Variants in ELMO2 observed in about 807,000 individuals in gnomAD.
ELMO2 encodes engulfment and cell motility protein 2.
A neutral mutation model predicts 96.2 loss-of-function variants in ELMO2; 37 were observed. The ratio of observed to expected loss-of-function variants is 0.38; its 90% confidence interval spans 0.30 to 0.51. ELMO2 has a LOEUF of 0.51. ELMO2 is among the 20% of genes least tolerant of loss of function. ELMO2 has a pLI of 0.88. For missense variants in ELMO2, 561 were observed against 912.6 expected (o/e 0.61, Z 4.96); for synonymous variants, 315 against 329.4 (o/e 0.96, Z 0.47).
Position 46,371,484 on chromosome 20 carries a change from G to A in ELMO2, c.1694-25C>T, listed in dbSNP as rs1568747862. The A allele has an allele frequency of 6.2e-7, 1 of 1,613,856 alleles. No individual in the cohort carries two copies. Among genetic ancestry groups the A allele is most frequent in the East Asian group, 2.2e-5 (1 of 44,884 alleles). ...TCTGGAACACAAGGGAAGCCAAACA[G>A]GTGAGCAACGACAGTACTGGGAAAG... On this transcript the variant is annotated intron_variant, in intron 18 of 21. Transcript: ENST00000290246. This position sits in a 1 kb window ranked among gnomAD's most constrained non-coding sequence, Gnocchi z 5.9.
chr20:46,373,618 A>C (rs2059780351), intron 15 of ELMO2, 83 bp from the exon 16 acceptor site: 4 of 1,557,528 alleles, frequency 2.6e-6, no homozygotes, highest in Non-Finnish European at 3.5e-6. Context: ...TTTGCACCAA[A>C]GTCCCGAGGA....
intron 1 of ELMO2, among the ~76,000 whole-genome samples, chr20:46,401,629 G>A (rs2060337599): frequency 1.3e-5 from 2 of 152,128 alleles, no homozygotes; most frequent in Admixed American, 6.5e-5. Flanking sequence ...CAGTTCCACC[G>A]TGGCTCTGTG....
chr20:46,404,593 T>C (rs917635555), intron 1 of ELMO2, among the ~76,000 whole-genome samples: 6 of 152,316 alleles, frequency 3.9e-5, no homozygotes, highest in Admixed American at 1.3e-4. Context: ...CAAAAGACTC[T>C]AGAGGGTATA....
At chr20:46,374,675 C>G in intron 13 of ELMO2, 35 bp from the exon 14 acceptor site, 2 of 1,599,408 alleles carry the variant, frequency 1.3e-6, no homozygotes, top group Non-Finnish European at 1.7e-6. Flanking sequence ...TGAGATGCGG[C>G]AGTCTCCGTG....
Position 46,367,332 on chromosome 20 carries a change from C to T in ELMO2, c.*28G>A. On this transcript the variant is annotated 3_prime_UTR_variant, in exon 22 of 22. Coordinates refer to ENST00000290246, the MANE Select transcript of ELMO2 (RefSeq NM_133171.5). ...TCTCCTGGGCCCAAAATCCCTTCTCCTGGGTACCGTCGTTTCTGGCTCCAG... is the reference window on the plus strand; with the variant it reads ...TCTCCTGGGCCCAAAATCCCTTCTCTTGGGTACCGTCGTTTCTGGCTCCAG... The T allele has an allele frequency of 6.9e-7, 1 of 1,451,162 alleles. No homozygotes were observed. The highest frequency in any genetic ancestry group is 9.1e-7 in the Non-Finnish European group (1 of 1,098,316). 89.9% of individuals were successfully genotyped at this position (1,451,162 alleles called of 1,614,324 possible).
At chr20:46,386,924 A>G (rs2060055300) in intron 8 of ELMO2, among the ~76,000 whole-genome samples, 2 of 152,224 alleles carry the variant, frequency 1.3e-5, no homozygotes, top group African/African-American at 4.8e-5. Flanking sequence ...TTAGTCTGAC[A>G]ATCCAAACAG....
At chr20:46,369,607 C>T (rs2059654525) in intron 20 of ELMO2, 1 of 153,512 alleles carries the variant, frequency 6.5e-6, no homozygotes, top group Admixed American at 6.5e-5. Flanking sequence ...CACTGAGCTT[C>T]AACAGTCTGC....
chr20:46,375,328 C>G lies in ELMO2; in HGVS notation c.973G>C (p.Asp325His). 6.2e-7 allele frequency: 1 copy of G among 1,614,206 alleles called. No homozygotes were observed. The highest frequency in any genetic ancestry group is 8.5e-7 in the Non-Finnish European group (1 of 1,180,036). Residue 325 changes from aspartate (D) to histidine (H), a missense_variant, in exon 13 of 22, where the codon GAC becomes CAC. Asp to His is a moderately conservative substitution (Grantham distance 81). Transcript: ENST00000290246. This position sits in a 1 kb window ranked among gnomAD's most constrained non-coding sequence, Gnocchi z 4.6. The part of the protein sequence containing the change: ...IIFELRRIAF[D>H]AESDPSNAPG... Reference sequence around the variant, plus strand: ...GCATTGCTAGGATCAGACTCTGCGTCAAATGCAATCCTCCTCAGTTCAAAT... The same window carrying G: ...GCATTGCTAGGATCAGACTCTGCGTGAAATGCAATCCTCCTCAGTTCAAAT...
chr20:46,405,961 G>C (rs1026030861), intron 1 of ELMO2, among the ~76,000 whole-genome samples: 2 of 152,148 alleles, frequency 1.3e-5, no homozygotes. Context: ...CTGTGCCTGC[G>C]CAGGGCAGAC....
intron 1 of ELMO2, among the ~76,000 whole-genome samples, chr20:46,402,068 C>T (rs1275486275): frequency 6.6e-6 from 1 of 152,184 alleles, no homozygotes; most frequent in Admixed American, 6.5e-5. Context: ...AAGTCTGGGA[C>T]ATAGGCTCTA....
At position 46,386,148 on chromosome 20, in the gene ELMO2, C is replaced by T; in HGVS notation, c.653G>A (p.Gly218Glu). The change falls in exon 9 of 22, where the codon GGA (glycine) becomes GAA (glutamate). Residue 218 changes from glycine to glutamate, a missense_variant. Coordinates refer to ENST00000290246, the MANE Select transcript of ELMO2 (RefSeq NM_133171.5). ...CACCTGGAGGTGTGAGATGAGCTGT[C>T]CCACGGTGATTTCCTCGGCTATCTT... The part of the protein sequence containing the change: ...YQKIAEEITV[G>E]QLISHLQVSN... The T allele has an allele frequency of 1.2e-6, 2 of 1,614,032 alleles. No homozygotes were observed. The highest frequency in any genetic ancestry group is 1.7e-6 in the Non-Finnish European group (2 of 1,179,966).
At position 46,386,264 on chromosome 20, in the gene ELMO2, A is replaced by G; in HGVS notation, c.537T>C (p.Tyr179=). The change falls in exon 9 of 22, where the codon TAT becomes TAC. Residue 179 remains tyrosine (Y), a synonymous_variant. Transcript: ENST00000290246. ...ACACGTCCACCATGGGCTGGCTCAC[A>G]TACCCTGCAATCTAGACCCAGAGAT... ...SITFIKQIAG[Y]VSQPMVDVSI... 6.2e-7 allele frequency: 1 copy of G among 1,614,040 alleles called. No individual in the cohort carries two copies. The highest frequency in any genetic ancestry group is 8.5e-7 in the Non-Finnish European group (1 of 1,179,986).
intron 2 of ELMO2, among the ~76,000 whole-genome samples, chr20:46,397,542 C>T (rs753719729): frequency 2.0e-5 from 3 of 152,054 alleles, no homozygotes; most frequent in East Asian, 3.9e-4. Context: ...TGATGGTGGG[C>T]GCCTGTAATC....
chr20:46,394,354 A>C (rs770677186), intron 3 of ELMO2, 51 bp downstream of exon 3: 1 of 1,589,202 alleles, frequency 6.3e-7, no homozygotes, highest in South Asian at 1.1e-5. Flanking sequence ...TCTGCCATGC[A>C]CTCCCCAGGT....
chr20:46,393,482 T>G, intron 5 of ELMO2, 47 bp downstream of exon 5: 1 of 1,599,996 alleles, frequency 6.3e-7, no homozygotes, highest in Non-Finnish European at 8.5e-7. Context: ...TTGGGTCGTT[T>G]AATTCCAAGC....
intron 11 of ELMO2, among the ~76,000 whole-genome samples, chr20:46,376,279 A>G (rs1040105579): frequency 2.6e-5 from 4 of 152,108 alleles, no homozygotes; most frequent in Non-Finnish European, 4.4e-5. Context: ...TGATACTGAG[A>G]TAGCAACACA....
At chr20:46,370,393 A>C (rs1485194969) in intron 20 of ELMO2, 50 bp downstream of exon 20, 1 of 1,537,840 alleles carries the variant, frequency 6.5e-7, no homozygotes, top group South Asian at 1.1e-5. Context: ...CACCAATGGC[A>C]CTCTCCAAGT....
At chr20:46,386,365 C>A in intron 8 of ELMO2, 90 bp from the exon 9 acceptor site, 1 of 1,527,026 alleles carries the variant, frequency 6.5e-7, no homozygotes, top group South Asian at 1.2e-5. Flanking sequence ...GAAGCTCTCT[C>A]TGCTTCACAT....
intron 6 of ELMO2, among the ~76,000 whole-genome samples, chr20:46,391,207 G>C (rs1315675181): frequency 6.6e-6 from 1 of 152,146 alleles, no homozygotes; most frequent in Non-Finnish European, 1.5e-5. Flanking sequence ...AGGAGAAGAG[G>C]GGGAGGCAGA....
Sources: allele counts gnomAD v4.1 joint callset (sites outside exome capture counted in the v4.1 genomes callset), GRCh38; gene constraint gnomAD v4.1.1; non-coding constraint Gnocchi (gnomAD v3.1); transcripts MANE v1.5; gene names NCBI Gene and HGNC (gene_info 2026-07-23, HGNC 2026-07-21).